The following GAS2L3 variants were observed in gnomAD, a reference collection of about 807,000 sequenced individuals.
The protein encoded by GAS2L3 is growth arrest specific 2 like 3, also known as GAS2-like protein 3.
Under a neutral mutation model 37.0 loss-of-function variants are expected in GAS2L3, and 28 were observed. That is an observed-to-expected ratio of 0.76 (90% CI 0.56 to 1.04). The LOEUF (loss-of-function observed/expected upper bound fraction) is 1.04. Among genes scored for constraint, GAS2L3 ranks in the 50% least tolerant of loss-of-function variants. The pLI, the probability that GAS2L3 is intolerant of heterozygous loss-of-function variation, is 0.00. For missense variants in GAS2L3, 793 were observed against 817.6 expected (o/e 0.97, Z 0.37); for synonymous variants, 290 against 296.6 (o/e 0.98, Z 0.23).
rs1022185138 is a variant in GAS2L3, at chr12:100,599,350, C to G, written c.19-1032C>G. On this transcript the variant is annotated intron_variant, in intron 3 of 9. Transcript: ENST00000547754. ...ATTTGGCAAGTGTCGATTATAACAT[C>G]TATAAAATTATAAAATTTATAGAGT... Among the ~76,000 whole-genome samples the G allele has an allele frequency of 7.9e-5, 12 of 152,274 alleles. No individual in the cohort carries two copies. The South Asian group carries it at 1.5e-3, about 18-fold the overall frequency.
chr12:100,624,721 A>G lies in GAS2L3; in HGVS notation c.1916A>G (p.Gln639Arg), dbSNP rs1956312167. Residue 639 changes from glutamine to arginine, a missense_variant, in exon 10 of 10, where the codon CAG becomes CGG. Transcript: ENST00000547754. The stretch of plus-strand genomic sequence containing the variant: ...TCAGCACAGACTGTCGCTAAGAGCC[A>G]GCATTCAACTAAAGGGCCTCCCAGA... ...PKSAQTVAKSQHSTKGPPRSG... is the reference protein window; with the variant it reads ...PKSAQTVAKSRHSTKGPPRSG... 2 of 1,614,012 alleles carry G rather than the reference A, an allele frequency of 1.2e-6. No homozygotes were observed. The highest frequency in any genetic ancestry group is 2.7e-5 in the African/African-American group (2 of 74,926).
At chr12:100,577,221 GA>G (rs1955648097) in intron 1 of GAS2L3, among the ~76,000 whole-genome samples, 1 of 152,162 alleles carries the variant, frequency 6.6e-6, no homozygotes, top group African/African-American at 2.4e-5. Context: ...GTGGTTAAAT[GA>G]GTCTACTGTA....
At chr12:100,581,835 TG>T (rs768065213) in intron 1 of GAS2L3, among the ~76,000 whole-genome samples, 3 of 152,250 alleles carry the variant, frequency 2.0e-5, no homozygotes, top group Non-Finnish European at 2.9e-5. Flanking sequence ...CCTTATTTTT[TG>T]CTTAATTTTT....
chr12:100,603,541 C>A (rs541414435), intron 5 of GAS2L3, among the ~76,000 whole-genome samples: 1 of 151,940 alleles, frequency 6.6e-6, no homozygotes, highest in Non-Finnish European at 1.5e-5. Flanking sequence ...CTTATTAATC[C>A]TTTGTCAGAT....
At chr12:100,585,208 T>C (rs974395822) in intron 1 of GAS2L3, among the ~76,000 whole-genome samples, 6 of 150,716 alleles carry the variant, frequency 4.0e-5, no homozygotes, top group Non-Finnish European at 8.9e-5. Flanking sequence ...CCTACTTGAA[T>C]GTTTTTAAAG....
rs1955684111 is a variant in GAS2L3 at position 100,579,622 on chromosome 12, A to C, written c.-152+5837A>C. On this transcript the variant is annotated intron_variant, in intron 1 of 9. Coordinates refer to ENST00000547754, the MANE Select transcript of GAS2L3 (RefSeq NM_174942.3). ...CTTTTGGGAGCTTTAGAACACAAGA[A>C]TGTTAGAAATGTCTTAGTTCAAGGA... The C allele has an allele frequency of 5.8e-5, 45 of 775,952 alleles. 1 individual carries two copies. Among genetic ancestry groups the C allele is most frequent in the Non-Finnish European group, 9.8e-5 (41 of 417,234 alleles). The allele number at this position is 775,952 out of a possible 1,614,324, so 48.1% of individuals were successfully genotyped here. A position where few individuals can be genotyped will look rare whatever the true frequency, so the allele number is the denominator to read the frequency against.
At chr12:100,578,117 GA>G (rs1955661248) in intron 1 of GAS2L3, among the ~76,000 whole-genome samples, 1 of 152,236 alleles carries the variant, frequency 6.6e-6, no homozygotes, top group Non-Finnish European at 1.5e-5. Flanking sequence ...CAAGGCTGGA[GA>G]AAAGGTGACT....
At position 100,600,514 on chromosome 12, in the gene GAS2L3, CAAG is replaced by C. The variant is rs1272455479; in HGVS notation, c.156_158del (p.Glu52del). 1.2e-6 allele frequency: 2 copies of C among 1,613,648 alleles called. No individual in the cohort carries two copies. The highest frequency in any genetic ancestry group is 8.5e-7 in the Non-Finnish European group (1 of 1,179,824). ...GCATGAAGCCACTTTGTTGCCCATG[CAAG>C]AAGATCTGTCAATCTGGTTATCTGG... On this transcript the variant is annotated inframe_deletion, in exon 4 of 10. Coordinates refer to ENST00000547754, the MANE Select transcript of GAS2L3 (RefSeq NM_174942.3).
chr12:100,620,560 C>A (rs1309450829), intron 8 of GAS2L3, among the ~76,000 whole-genome samples: 1 of 151,822 alleles, frequency 6.6e-6, no homozygotes, highest in Non-Finnish European at 1.5e-5. Flanking sequence ...AAAGATACGA[C>A]TTGTTATATC....
chr12:100,607,978 G>C (rs906049814), intron 5 of GAS2L3, among the ~76,000 whole-genome samples: 2 of 152,104 alleles, frequency 1.3e-5, no homozygotes, highest in African/African-American at 4.8e-5. Flanking sequence ...AAATGTTCCA[G>C]TGTCTAGGCA....
In GAS2L3 at chr12:100,626,707, G is replaced by A. The variant is rs944525034; in HGVS notation, c.*1817G>A. 3 of 152,286 alleles carry A rather than the reference G, an allele frequency of 2.0e-5. No homozygotes were observed. The highest frequency in any genetic ancestry group is 1.3e-4 in the Admixed American group (2 of 15,294). 9.4% of individuals were successfully genotyped at this position (152,286 alleles called of 1,614,324 possible). A position where few individuals can be genotyped will look rare whatever the true frequency, so the allele number is the denominator to read the frequency against. On this transcript the variant is annotated 3_prime_UTR_variant, in exon 10 of 10. Coordinates refer to ENST00000547754, the MANE Select transcript of GAS2L3 (RefSeq NM_174942.3). ...TGAATCCTAGTAGATTTTACAATAT[G>A]TAATTTATGTTGTTTACAGTATATA...
chr12:100,584,007 G>A (rs768092981), intron 1 of GAS2L3, among the ~76,000 whole-genome samples: 6 of 152,084 alleles, frequency 3.9e-5, no homozygotes, highest in South Asian at 2.1e-4. Context: ...ACATTTCATC[G>A]ATAGCAGAAA....
At chr12:100,585,138 A>G (rs1455183920) in intron 1 of GAS2L3, among the ~76,000 whole-genome samples, 1 of 147,430 alleles carries the variant, frequency 6.8e-6, no homozygotes, top group African/African-American at 2.5e-5. Flanking sequence ...TGACCTCATG[A>G]TCTGCCTGCC....
At chr12:100,576,377 T>C (rs1955637214) in intron 1 of GAS2L3, among the ~76,000 whole-genome samples, 1 of 152,224 alleles carries the variant, frequency 6.6e-6, no homozygotes. Context: ...TTAATATGTA[T>C]TCTTATGTTT....
At chr12:100,607,916 C>T (rs775127356) in intron 5 of GAS2L3, among the ~76,000 whole-genome samples, 1 of 152,018 alleles carries the variant, frequency 6.6e-6, no homozygotes, top group Non-Finnish European at 1.5e-5. Context: ...AGGATTGGTC[C>T]CTGGTACCTT....
chr12:100,623,593 T>C lies in GAS2L3; in HGVS notation c.788T>C (p.Val263Ala), dbSNP rs778914434. 6 of 1,608,302 alleles carry C rather than the reference T, an allele frequency of 3.7e-6. No individual in the cohort carries two copies. Among genetic ancestry groups the C allele is most frequent in the Non-Finnish European group, 5.1e-6 (6 of 1,177,642 alleles). ...CATGGAAAACATGTCATGGTTCGCG[T>C]TGGTGGAGGCTGGGATACTCTTCAA... ...MLHGKHVMVRVGGGWDTLQGF... is the reference protein window; with the variant it reads ...MLHGKHVMVRAGGGWDTLQGF... Residue 263 changes from valine to alanine, a missense_variant, in exon 10 of 10, where the codon GTT (valine) becomes GCT (alanine). Physicochemically the swap from Val to Ala is moderately conservative, Grantham distance 64. Coordinates refer to ENST00000547754, the MANE Select transcript of GAS2L3 (RefSeq NM_174942.3).
intron 6 of GAS2L3, among the ~76,000 whole-genome samples, chr12:100,614,887 A>C (rs1206549128): frequency 3.3e-5 from 5 of 152,178 alleles, no homozygotes; most frequent in African/African-American, 1.2e-4. Context: ...CATCGTATAG[A>C]TATGCCATAT....
chr12:100,619,722 ACCTT>A (rs1956230776), intron 8 of GAS2L3, among the ~76,000 whole-genome samples: 1 of 152,046 alleles, frequency 6.6e-6, no homozygotes, highest in Non-Finnish European at 1.5e-5. Context: ...ATCTCATATA[ACCTT>A]AAAGAATGAT....
chr12:100,579,165 A>G (rs976667955), intron 1 of GAS2L3: 5 of 666,948 alleles, frequency 7.5e-6, no homozygotes, highest in Admixed American at 2.1e-5. Context: ...GTTCTCTTCC[A>G]TGCCAAGACA....
Sources: gnomAD v4.1 joint callset for allele counts (sites outside exome capture counted in the v4.1 genomes callset) on GRCh38, gnomAD v4.1.1 for gene constraint, MANE v1.5 for transcripts, NCBI Gene and HGNC (gene_info 2026-07-23, HGNC 2026-07-21) for gene names.